PHF14: variants seen among roughly 807,000 people sequenced by gnomAD.
PHF14 encodes the protein PHD finger protein 14.
Under a neutral mutation model 117.9 loss-of-function variants are expected in PHF14, and 55 were observed. That is an observed-to-expected ratio of 0.47 (90% CI 0.38 to 0.58). PHF14 has a LOEUF of 0.58. PHF14 is among the 20% of genes least tolerant of loss of function. PHF14 has a pLI of 0.00. For missense variants in PHF14, 978 were observed against 1,122.2 expected (o/e 0.87, Z 1.84); for synonymous variants, 409 against 368.6 (o/e 1.11, Z -1.26).
At chr7:11,059,308 C>G (rs772347046) in intron 14 of PHF14, among the ~76,000 whole-genome samples, 2 of 152,090 alleles carry the variant, frequency 1.3e-5, no homozygotes, top group Non-Finnish European at 2.9e-5. Flanking sequence ...TTGAAAAATT[C>G]AAAACTACAT....
In PHF14 at chr7:11,105,347, C is replaced by T. The variant is rs115421974; in HGVS notation, c.2655-6003C>T. The T allele has an allele frequency of 2.2e-3, 2,085 of 943,758 alleles. 30 individuals are homozygous for T. In the African/African-American group the frequency reaches 0.035, roughly 16 times the overall value. The allele number at this position is 943,758 out of a possible 1,614,324, so 58.5% of individuals were successfully genotyped here. A position where few individuals can be genotyped will look rare whatever the true frequency, so the allele number is the denominator to read the frequency against. On this transcript the variant is annotated intron_variant, in intron 16 of 17. Coordinates refer to ENST00000634607, the MANE Select transcript of PHF14 (RefSeq NM_001007157.2). ...AAAATATTTACACTCCATTCTATTT[C>T]CCTGTATTCACATCCTATTAATGAA...
intron 3 of PHF14, among the ~76,000 whole-genome samples, chr7:10,985,588 A>G (rs1184227277): frequency 1.4e-5 from 2 of 148,060 alleles, no homozygotes; most frequent in African/African-American, 5.0e-5. Flanking sequence ...TAATGGCCTT[A>G]ACAACATGCT....
intron 16 of PHF14, among the ~76,000 whole-genome samples, chr7:11,085,504 G>A (rs1406998949): frequency 6.6e-6 from 1 of 152,104 alleles, no homozygotes; most frequent in Non-Finnish European, 1.5e-5. Context: ...TGTTTCTATT[G>A]TAGATGTCAG....
At chr7:10,992,735 T>C (rs1782507033) in intron 4 of PHF14, among the ~76,000 whole-genome samples, 1 of 152,186 alleles carries the variant, frequency 6.6e-6, no homozygotes, top group South Asian at 2.1e-4. Context: ...GAAGTTAGCA[T>C]TGATGAAATG....
At chr7:11,150,963 T>G (rs1467290617) in intron 17 of PHF14, among the ~76,000 whole-genome samples, 1 of 152,204 alleles carries the variant, frequency 6.6e-6, no homozygotes, top group Admixed American at 6.5e-5. Flanking sequence ...GTTTATTTTC[T>G]ACTTTAAAAG....
intron 17 of PHF14, among the ~76,000 whole-genome samples, chr7:11,111,996 G>A (rs1391626361): frequency 6.6e-6 from 1 of 150,452 alleles, no homozygotes; most frequent in African/African-American, 2.4e-5. Flanking sequence ...ATAATCTAAT[G>A]TTTAATAGAT....
chr7:11,095,211 A>G (rs1383911507), intron 16 of PHF14, among the ~76,000 whole-genome samples: 1 of 152,188 alleles, frequency 6.6e-6, no homozygotes, highest in African/African-American at 2.4e-5. Flanking sequence ...ATTATTTTAT[A>G]CACTTATTTA....
chr7:11,052,674 C>G (rs1041969613), intron 14 of PHF14, among the ~76,000 whole-genome samples: 2 of 152,116 alleles, frequency 1.3e-5, no homozygotes, highest in African/African-American at 4.8e-5. Context: ...AAAATAGTAT[C>G]TTGACATTTT....
intron 16 of PHF14, among the ~76,000 whole-genome samples, chr7:11,088,702 A>G (rs1361716804): frequency 1.3e-5 from 2 of 152,216 alleles, no homozygotes; most frequent in Admixed American, 6.5e-5. Context: ...AAAGACATTT[A>G]TAGCTATAGT....
chr7:10,974,880 C>G lies in PHF14; in HGVS notation c.47C>G (p.Ser16Cys). 1.3e-6 allele frequency: 2 copies of G among 1,596,240 alleles called. No homozygotes were observed. The highest frequency in any genetic ancestry group is 1.7e-6 in the Non-Finnish European group (2 of 1,170,768). ...AGGCAGGTGAAGCCTTTGGCAGCTT[C>G]TCTGCTGGAAGCTCTTGATTATGAT... ...KRRQVKPLAA[S>C]LLEALDYDSS... The change falls in exon 2 of 18, where the codon TCT becomes TGT. Residue 16 changes from serine (S) to cysteine (C), a missense_variant. This residue lies in a region of PHF14 where 414 missense variants were observed against 376.4 expected (regional missense o/e 1.10). Coordinates refer to ENST00000634607, the MANE Select transcript of PHF14 (RefSeq NM_001007157.2).
intron 17 of PHF14, among the ~76,000 whole-genome samples, chr7:11,139,443 T>C (rs1457420602): frequency 6.6e-6 from 1 of 152,172 alleles, no homozygotes; most frequent in Non-Finnish European, 1.5e-5. Flanking sequence ...TTTGAATAAC[T>C]TTACATATTG....
chr7:11,040,621 C>CT, intron 11 of PHF14, 51 bp from the exon 12 acceptor site: 1 of 956,606 alleles, frequency 1.0e-6, no homozygotes, highest in Non-Finnish European at 1.5e-6. Context: ...GAAAATGTTG[C>CT]TTTTATTTCT....
intron 16 of PHF14, among the ~76,000 whole-genome samples, chr7:11,068,980 T>C (rs913191467): frequency 6.6e-5 from 10 of 152,228 alleles, no homozygotes; most frequent in Admixed American, 3.3e-4. Context: ...TTTTTGATGC[T>C]ATTGTATAGG....
intron 10 of PHF14, among the ~76,000 whole-genome samples, 196 bp from the exon 11 acceptor site, chr7:11,038,563 CA>C (rs1406396738): frequency 6.6e-6 from 1 of 151,076 alleles, no homozygotes; most frequent in Non-Finnish European, 1.5e-5. Flanking sequence ...GAAACTGCAG[CA>C]GGAGAATCGC....
At chr7:11,055,436 T>C (rs1784985381) in intron 14 of PHF14, among the ~76,000 whole-genome samples, 2 of 152,188 alleles carry the variant, frequency 1.3e-5, no homozygotes, top group African/African-American at 4.8e-5. Context: ...ATGCATCATC[T>C]ACTCTCTTTG....
Position 11,037,221 on chromosome 7 carries a change from T to G in PHF14, c.1980+130T>G, listed in dbSNP as rs373462005. ...GAGCTCTTTGGCTCTTCCCTATAAC[T>G]CCTACTCCTCATTAGCTTCATTATC... On this transcript the variant is annotated intron_variant, in intron 10 of 17. Coordinates refer to ENST00000634607, the MANE Select transcript of PHF14 (RefSeq NM_001007157.2). The G allele has an allele frequency of 1.4e-4, 99 of 683,026 alleles. No individual in the cohort carries two copies. In the African/African-American group the frequency reaches 1.6e-3, roughly 11 times the overall value. 42.3% of individuals were successfully genotyped at this position (683,026 alleles called of 1,614,324 possible).
chr7:10,991,787 A>G (rs1208051394), intron 4 of PHF14, among the ~76,000 whole-genome samples: 5 of 106,270 alleles, frequency 4.7e-5, no homozygotes, highest in African/African-American at 7.4e-5. Flanking sequence ...TGGTAGAGAC[A>G]GGGTTTTGCT....
intron 16 of PHF14, among the ~76,000 whole-genome samples, chr7:11,076,811 G>C (rs912673461): frequency 6.6e-6 from 1 of 150,424 alleles, no homozygotes; most frequent in Non-Finnish European, 1.5e-5. Context: ...CAAGCAATCC[G>C]CCTGCCTTGG....
At position 11,130,954 on chromosome 7, in the gene PHF14, G is replaced by A. The variant is rs1369190707; in HGVS notation, c.2772+19487G>A. ...TTTGGCTTCTTTCCGTAAGCAATAC[G>A]CATTTAGGGGTTTGTCATGTCTTTT... On this transcript the variant is annotated intron_variant, in intron 17 of 17. Coordinates refer to ENST00000634607, the MANE Select transcript of PHF14 (RefSeq NM_001007157.2). The surrounding 1 kb of genome is among the most constrained non-coding windows in gnomAD (Gnocchi z 4.2). Among the ~76,000 whole-genome samples, 1 of 151,466 alleles carries A rather than the reference G, an allele frequency of 6.6e-6. No individual in the cohort carries two copies. Among genetic ancestry groups the A allele is most frequent in the African/African-American group, 2.4e-5 (1 of 41,270 alleles).
Sources: gnomAD v4.1 joint callset for allele counts (sites outside exome capture counted in the v4.1 genomes callset) on GRCh38, gnomAD v4.1.1 for gene constraint, gnomAD v4.1.1 regional missense constraint, Gnocchi (gnomAD v3.1) non-coding constraint, MANE v1.5 for transcripts, NCBI Gene and HGNC (gene_info 2026-07-23, HGNC 2026-07-21) for gene names.